Variants in ADD1 observed in about 807,000 individuals in gnomAD.
ADD1 encodes the protein adducin 1, also known as alpha-adducin.
ADD1 carries 24 observed loss-of-function variants against 80.5 expected under a neutral mutation model. That is an observed-to-expected ratio of 0.30 (90% confidence interval 0.22 to 0.42). ADD1 has a LOEUF of 0.42. ADD1 is among the 10% of genes least tolerant of loss of function. ADD1 has a pLI of 1.00. For synonymous variants in ADD1, 373 were observed against 393.8 expected (o/e 0.95, Z 0.63); for missense variants, 948 against 1,019.0 (o/e 0.93, Z 0.95).
intron 2 of ADD1, among the ~76,000 whole-genome samples, chr4:2,876,843 A>C (rs886907136): frequency 3.3e-5 from 5 of 150,844 alleles, no homozygotes; most frequent in Non-Finnish European, 7.4e-5. Context: ...CGTCCCAAAA[A>C]AAAAAAAAAT....
chr4:2,912,116 C>T (rs1056430105), intron 13 of ADD1, among the ~76,000 whole-genome samples: 1 of 152,202 alleles, frequency 6.6e-6, no homozygotes, highest in Non-Finnish European at 1.5e-5. Context: ...GGGTGGAGCT[C>T]TTGTTCCACC....
chr4:2,905,461 T>G (rs1736891755), intron 10 of ADD1: 1 of 266,032 alleles, frequency 3.8e-6, no homozygotes, highest in Admixed American at 4.9e-5. Context: ...AAAAGACACT[T>G]CAGTCCTAAA....
chr4:2,852,927 AG>A (rs1468464425), intron 1 of ADD1, among the ~76,000 whole-genome samples: 1 of 151,928 alleles, frequency 6.6e-6, no homozygotes, highest in African/African-American at 2.4e-5. Flanking sequence ...GCAGGCCTGA[AG>A]GTGCTTTTAA....
intron 1 of ADD1, chr4:2,854,852 A>C (rs1727833904): frequency 6.6e-6 from 1 of 152,214 alleles, no homozygotes; most frequent in South Asian, 2.1e-4. Context: ...ATTCTCTCAT[A>C]GTTCTGGAGG....
intron 1 of ADD1, among the ~76,000 whole-genome samples, chr4:2,871,748 C>T (rs1730490709): frequency 6.6e-6 from 1 of 152,186 alleles, no homozygotes; most frequent in South Asian, 2.1e-4. Flanking sequence ...GTTTTAGGCA[C>T]ATTTCAGATG....
chr4:2,898,575 T>G (rs1156550895), intron 8 of ADD1, 44 bp downstream of exon 8: 1 of 1,542,800 alleles, frequency 6.5e-7, no homozygotes, highest in African/African-American at 1.4e-5. Context: ...TATTTAGATG[T>G]GTCTGGGGTT....
rs912623396 is a variant in ADD1 at position 2,896,181 on chromosome 4, C to G, written c.741+1450C>G. Among the ~76,000 whole-genome samples the G allele has an allele frequency of 4.6e-5, 7 of 151,872 alleles. No individual in the cohort carries two copies. In the East Asian group the frequency reaches 1.4e-3, roughly 29 times the overall value. ...GGATTACAGGTGTGAGCCACTGCACCCGGCCCAGTAATGCTGTATTTTAAT... is the reference window on the plus strand; with the variant it reads ...GGATTACAGGTGTGAGCCACTGCACGCGGCCCAGTAATGCTGTATTTTAAT... On this transcript the variant is annotated intron_variant, in intron 6 of 15. Transcript: ENST00000683351.
intron 15 of ADD1, among the ~76,000 whole-genome samples, chr4:2,927,508 C>T (rs1013512448): frequency 3.9e-5 from 6 of 152,192 alleles, no homozygotes; most frequent in East Asian, 1.9e-4. Flanking sequence ...ATGGACAGAG[C>T]GGGTGCCCGG....
chr4:2,852,577 A>G (rs1251134082), intron 1 of ADD1, among the ~76,000 whole-genome samples: 1 of 151,782 alleles, frequency 6.6e-6, no homozygotes, highest in Non-Finnish European at 1.5e-5. Flanking sequence ...GGACTGAAGC[A>G]CACATACTTT....
At chr4:2,898,772 A>G in intron 8 of ADD1, 1 of 510,470 alleles carries the variant, frequency 2.0e-6, no homozygotes, top group South Asian at 2.1e-5. Flanking sequence ...AGTCACTACC[A>G]TTTATGGAGT....
chr4:2,858,789 C>G (rs1728435193), intron 1 of ADD1, among the ~76,000 whole-genome samples: 1 of 152,170 alleles, frequency 6.6e-6, no homozygotes, highest in African/African-American at 2.4e-5. Flanking sequence ...GAGTTTGAGA[C>G]CAGCCTTGGC....
intron 1 of ADD1, among the ~76,000 whole-genome samples, chr4:2,857,630 G>A (rs1728273296): frequency 6.6e-6 from 1 of 152,120 alleles, no homozygotes; most frequent in Admixed American, 6.5e-5. Context: ...TGAGTGGTAG[G>A]GATTTTCAAG....
At chr4:2,891,026 T>G (rs575983714) in intron 4 of ADD1, among the ~76,000 whole-genome samples, 24 of 152,098 alleles carry the variant, frequency 1.6e-4, no homozygotes, top group Non-Finnish European at 3.4e-4. Flanking sequence ...GACTCCCACC[T>G]GTAATCCCAA....
At chr4:2,870,949 G>A (rs75629624) in intron 1 of ADD1, among the ~76,000 whole-genome samples, 7 of 147,122 alleles carry the variant, frequency 4.8e-5, no homozygotes, top group Non-Finnish European at 7.5e-5. Context: ...TGTTTTTTTT[G>A]TAAACAGATG....
chr4:2,888,576 C>G lies in ADD1; in HGVS notation c.510+3910C>G, dbSNP rs1004234383. Among the ~76,000 whole-genome samples, 5 of 151,030 alleles carry G rather than the reference C, an allele frequency of 3.3e-5. 1 individual carries two copies. The South Asian group carries it at 1.0e-3, about 32-fold the overall frequency. On this transcript the variant is annotated intron_variant, in intron 4 of 15. Coordinates refer to ENST00000683351, the MANE Select transcript of ADD1 (RefSeq NM_001354761.2). ...GATTACAGGCACCTGCCACCACACA[C>G]AGCTAATTTTTTTGTATTTTTACTA... is the stretch of plus-strand genomic sequence containing the variant.
At chr4:2,897,161 T>G (rs1369675942) in intron 6 of ADD1, among the ~76,000 whole-genome samples, 1 of 152,152 alleles carries the variant, frequency 6.6e-6, no homozygotes, top group African/African-American at 2.4e-5. Flanking sequence ...TCTTTTTAGG[T>G]TAACTTTTCT....
chr4:2,897,593 A>T (rs1034848909), intron 6 of ADD1, among the ~76,000 whole-genome samples: 4 of 130,198 alleles, frequency 3.1e-5, no homozygotes, highest in African/African-American at 1.2e-4. Context: ...TATGTTGCCC[A>T]GGCTGGCTTT....
At position 2,880,248 on chromosome 4, in the gene ADD1, A is replaced by G. The variant is rs999152468; in HGVS notation, c.196-1650A>G. Among the ~76,000 whole-genome samples the G allele has an allele frequency of 3.9e-5, 6 of 151,986 alleles. 1 individual carries two copies. Among genetic ancestry groups the G allele is most frequent in the Non-Finnish European group, 8.8e-5 (6 of 67,994 alleles). ...TCAGAGGGCTCTTGACAGACATTCTATTCTACCCTTAATTAACAGCAATAC... is the reference window on the plus strand; with the variant it reads ...TCAGAGGGCTCTTGACAGACATTCTGTTCTACCCTTAATTAACAGCAATAC... On this transcript the variant is annotated intron_variant, in intron 2 of 15. Coordinates refer to ENST00000683351, the MANE Select transcript of ADD1 (RefSeq NM_001354761.2).
Position 2,878,576 on chromosome 4 carries a change from C to T in ADD1, c.195+2466C>T, listed in dbSNP as rs558596254. ...TGTGTGCCAGGCATTGTTCTAGGCA[C>T]TGGGGATGCAGAGATAAGAGAGTAA... On this transcript the variant is annotated intron_variant, in intron 2 of 15. Coordinates refer to ENST00000683351, the MANE Select transcript of ADD1 (RefSeq NM_001354761.2). Among the ~76,000 whole-genome samples, 4 of 152,250 alleles carry T rather than the reference C, an allele frequency of 2.6e-5. 1 individual carries two copies. The highest frequency in any genetic ancestry group is 9.6e-5 in the African/African-American group (4 of 41,536).
Sources: gnomAD v4.1 joint callset for allele counts (sites outside exome capture counted in the v4.1 genomes callset) on GRCh38, gnomAD v4.1.1 for gene constraint, MANE v1.5 for transcripts, NCBI Gene and HGNC (gene_info 2026-07-23, HGNC 2026-07-21) for gene names.